Variants in PBX4 observed in about 807,000 individuals in gnomAD.
The protein encoded by PBX4 is PBX homeobox 4, also known as pre-B-cell leukemia transcription factor 4.
PBX4 carries 26 observed loss-of-function variants against 35.1 expected under a neutral mutation model. The observed-to-expected ratio is 0.74, with a 90% CI of 0.54 to 1.03. The LOEUF is 1.03. PBX4 is among the 50% of genes least tolerant of loss of function. The pLI, the probability that PBX4 is intolerant of heterozygous loss-of-function variation, is 0.00. For synonymous variants in PBX4, 199 were observed against 204.2 expected (o/e 0.97, Z 0.22); for missense variants, 448 against 504.3 (o/e 0.89, Z 1.07).
At chr19:19,602,646 G>C (rs976639353) in intron 1 of PBX4, among the ~76,000 whole-genome samples, 1 of 152,058 alleles carries the variant, frequency 6.6e-6, no homozygotes, top group Admixed American at 6.6e-5. Flanking sequence ...TATTGCCCAG[G>C]CTGTTCTTGA....
At chr19:19,575,426 T>G (rs912830826) in intron 2 of PBX4, among the ~76,000 whole-genome samples, 1 of 152,074 alleles carries the variant, frequency 6.6e-6, no homozygotes. Context: ...CTCCCAGAAT[T>G]AGCCTGTGTT....
intron 2 of PBX4, 81 bp from the exon 3 acceptor site, chr19:19,570,914 T>C: frequency 6.4e-7 from 1 of 1,551,230 alleles, no homozygotes; most frequent in Non-Finnish European, 8.7e-7. Context: ...GCACTGGTGT[T>C]ATGTCTGAAG....
Position 19,570,801 on chromosome 19 carries a change from G to A in PBX4, c.226C>T (p.Pro76Ser), listed in dbSNP as rs151268425. ...AGCCTCAGGAGCTGGGCGTCAGGGG[G>A]ATCTTCGTCTTGAATGCCACGGATG... ...VSIRGIQDED[P>S]PDAQLLRLDN... The change falls in exon 3 of 8, where the codon CCC becomes TCC. Residue 76 changes from proline (P) to serine (S), a missense_variant. Pro to Ser is a moderately conservative substitution (Grantham distance 74, BLOSUM62 -1). Transcript: ENST00000251203. 82 of 1,614,106 alleles carry A rather than the reference G, an allele frequency of 5.1e-5. No individual in the cohort carries two copies. The Admixed American group carries it at 1.4e-3, about 27-fold the overall frequency.
At chr19:19,574,639 CT>C (rs879629375) in intron 2 of PBX4, among the ~76,000 whole-genome samples, 318 of 143,278 alleles carry the variant, frequency 2.2e-3, no homozygotes, top group Middle Eastern at 3.5e-3. Context: ...TTTTTTTTTC[CT>C]TTTTTTTTTT....
intron 1 of PBX4, among the ~76,000 whole-genome samples, chr19:19,606,991 AAAAC>A (rs920276577): frequency 2.0e-5 from 3 of 152,134 alleles, no homozygotes; most frequent in South Asian, 4.1e-4. Context: ...ACTCTGTCTC[AAAAC>A]AAACAAACAA....
intron 2 of PBX4, among the ~76,000 whole-genome samples, chr19:19,589,743 C>T (rs12608729): frequency 0.079 from 12,091 of 152,122 alleles, 522 homozygotes; most frequent in South Asian, 0.16. Flanking sequence ...GCACTCCAGC[C>T]TGGGTGACAG....
At chr19:19,600,896 T>G (rs1184542821) in intron 1 of PBX4, among the ~76,000 whole-genome samples, 1 of 151,714 alleles carries the variant, frequency 6.6e-6, no homozygotes, top group African/African-American at 2.4e-5. Context: ...GTGTTCACAC[T>G]ATGGTCCTGC....
chr19:19,580,869 A>T (rs1281575172), intron 2 of PBX4, among the ~76,000 whole-genome samples: 1 of 152,224 alleles, frequency 6.6e-6, no homozygotes, highest in Non-Finnish European at 1.5e-5. Flanking sequence ...AGTAGCTGGG[A>T]CTACAGGCAT....
intron 2 of PBX4, among the ~76,000 whole-genome samples, chr19:19,584,222 A>G (rs2144740093): frequency 6.6e-6 from 1 of 152,298 alleles, no homozygotes; most frequent in Non-Finnish European, 1.5e-5. Context: ...TGGGTGACAG[A>G]GCGAGACTCT....
chr19:19,567,982 G>A (rs2061353922), intron 5 of PBX4, among the ~76,000 whole-genome samples: 1 of 151,066 alleles, frequency 6.6e-6, no homozygotes, highest in African/African-American at 2.4e-5. Flanking sequence ...TGTCCCTCAG[G>A]GAGCTCACAC....
rs756328917 is a variant in PBX4, at chr19:19,570,690, G to C, written c.337C>G (p.Pro113Ala). Residue 113 changes from proline (P) to alanine (A), a missense_variant, in exon 3 of 8, where the codon CCA (proline) becomes GCA (alanine). By Grantham distance (27) the Pro-to-Ala change is conservative. Coordinates refer to ENST00000251203, the MANE Select transcript of PBX4 (RefSeq NM_025245.3). ...GAVARAGTAT[P>A]GGCPNDNSIE... is the part of the protein sequence containing the mutation. ...CTATTGTCATTTGGACAGCCACCTGGTGTTGCTGTGCCGGCCCTGGCCACC... is the reference window on the plus strand; with the variant it reads ...CTATTGTCATTTGGACAGCCACCTGCTGTTGCTGTGCCGGCCCTGGCCACC... 3.1e-6 allele frequency: 5 copies of C among 1,614,014 alleles called. No individual in the cohort carries two copies. The East Asian group carries it at 6.7e-5, about 22-fold the overall frequency.
Position 19,570,848 on chromosome 19 carries a change from C to T in PBX4, c.194-15G>A, listed in dbSNP as rs1160114040. 3.1e-6 allele frequency: 5 copies of T among 1,610,092 alleles called. No homozygotes were observed. The highest frequency in any genetic ancestry group is 2.5e-6 in the Non-Finnish European group (3 of 1,177,582). ...GATGCTTACCACTAGATAAGAGAGA[C>T]CGGGACAAGTCACAATTCATTTTCT... On this transcript the variant is annotated splice_polypyrimidine_tract_variant and intron_variant, in intron 2 of 7. Coordinates refer to ENST00000251203, the MANE Select transcript of PBX4 (RefSeq NM_025245.3).
chr19:19,602,952 T>C (rs2061607165), intron 1 of PBX4, among the ~76,000 whole-genome samples: 1 of 152,190 alleles, frequency 6.6e-6, no homozygotes, highest in South Asian at 2.1e-4. Flanking sequence ...CAGGGCCAGG[T>C]ACTGACCAAC....
intron 2 of PBX4, among the ~76,000 whole-genome samples, chr19:19,596,811 TG>T (rs2061564031): frequency 1.3e-5 from 2 of 148,628 alleles, no homozygotes; most frequent in Non-Finnish European, 3.0e-5. Context: ...CCCAGCTACT[TG>T]GGAGGATGGG....
intron 2 of PBX4, among the ~76,000 whole-genome samples, chr19:19,580,280 G>C (rs957788840): frequency 1.3e-5 from 2 of 152,314 alleles, no homozygotes; most frequent in Non-Finnish European, 2.9e-5. Context: ...ACCTTTTGAG[G>C]CTTTTTCAGT....
intron 2 of PBX4, among the ~76,000 whole-genome samples, chr19:19,583,615 CA>C (rs1464630454): frequency 6.6e-6 from 1 of 151,602 alleles, no homozygotes; most frequent in East Asian, 1.9e-4. Context: ...CCTCTCCCAC[CA>C]AAAAAAGATA....
At chr19:19,598,367 G>A (rs1221572665) in intron 2 of PBX4, among the ~76,000 whole-genome samples, 57 of 142,786 alleles carry the variant, frequency 4.0e-4, no homozygotes, top group African/African-American at 1.3e-3. Context: ...GCGCGATCTC[G>A]GCTCACTGCA....
chr19:19,578,949 C>T (rs1005098120), intron 2 of PBX4, among the ~76,000 whole-genome samples: 6 of 152,206 alleles, frequency 3.9e-5, no homozygotes, highest in Non-Finnish European at 5.9e-5. Context: ...AGATGGCGGC[C>T]GCCTACAAGC....
intron 2 of PBX4, among the ~76,000 whole-genome samples, chr19:19,574,261 A>C (rs2061405605): frequency 2.6e-5 from 4 of 152,260 alleles, no homozygotes; most frequent in Admixed American, 2.6e-4. Context: ...GGGAGGCTGA[A>C]CTATATCAGA....
Sources: gnomAD v4.1 joint callset for allele counts (sites outside exome capture counted in the v4.1 genomes callset) on GRCh38, gnomAD v4.1.1 for gene constraint, MANE v1.5 for transcripts, NCBI Gene and HGNC (gene_info 2026-07-23, HGNC 2026-07-21) for gene names.